PRKAR1A: variants seen among roughly 807,000 people sequenced by gnomAD.
PRKAR1A encodes the protein protein kinase cAMP-dependent type I regulatory subunit alpha, also known as cAMP-dependent protein kinase type I-alpha regulatory subunit.
In PRKAR1A, 3 loss-of-function variants were observed where a neutral mutation model predicts 52.0. The ratio of observed to expected loss-of-function variants is 0.06; its 90% CI spans 0.03 to 0.15. The LOEUF (loss-of-function observed/expected upper bound fraction) is 0.15. Among genes scored for constraint, PRKAR1A ranks in the 10% least tolerant of loss-of-function variants. The pLI is 1.00. For synonymous variants in PRKAR1A, 188 were observed against 168.4 expected (o/e 1.12, Z -0.90); for missense variants, 240 against 477.4 (o/e 0.50, Z 4.63).
At chr17:68,504,106 A>G in the PRKAR1A span, among the ~76,000 whole-genome samples, 1 of 152,228 alleles carries the variant, frequency 6.6e-6, no homozygotes, top group African/African-American at 2.4e-5. Context: ...TTACTGTAGC[A>G]TTATTCACAA....
chr17:68,438,836 G>A, the PRKAR1A span, among the ~76,000 whole-genome samples: 1 of 152,344 alleles, frequency 6.6e-6, no homozygotes, highest in East Asian at 1.9e-4. Context: ...GTGACCTCAG[G>A]TGATCCATCT....
chr17:68,536,369 G>A (rs768668351), downstream of PRKAR1A: 52 of 453,830 alleles, frequency 1.1e-4, no homozygotes, highest in Non-Finnish European at 1.1e-4. Context: ...TTGTGTTTTC[G>A]GTCATTAATT....
chr17:68,491,097 T>TC, the PRKAR1A span, among the ~76,000 whole-genome samples: 1,517 of 140,040 alleles, frequency 0.011, 12 homozygotes, highest in African/African-American at 0.021. Flanking sequence ...TTTCTTTCTT[T>TC]TTTTTTTTTT....
the PRKAR1A span, among the ~76,000 whole-genome samples, chr17:68,485,800 G>A: frequency 1.3e-5 from 2 of 152,066 alleles, no homozygotes; most frequent in African/African-American, 4.8e-5. Context: ...GTGCAGTGGC[G>A]TGATCTCAGC....
the PRKAR1A span, among the ~76,000 whole-genome samples, chr17:68,502,119 TCCAGAGAGC>T: frequency 6.6e-6 from 1 of 152,196 alleles, no homozygotes; most frequent in South Asian, 2.1e-4. Context: ...GGCTCCAGAC[TCCAGAGAGC>T]CCTTGCAGTC....
At chr17:68,454,882 A>T in the PRKAR1A span, among the ~76,000 whole-genome samples, 1 of 151,982 alleles carries the variant, frequency 6.6e-6, no homozygotes, top group East Asian at 1.9e-4. Context: ...ATATGAGAAA[A>T]TCACAGAGTG....
At chr17:68,453,619 C>T in the PRKAR1A span, among the ~76,000 whole-genome samples, 11 of 152,016 alleles carry the variant, frequency 7.2e-5, no homozygotes, top group East Asian at 3.9e-4. Flanking sequence ...GTGAGGATTA[C>T]AGGCATGCAC....
At chr17:68,539,923 C>T (rs150400613) in intron 11 of PRKAR1A, 1 of 1,614,186 alleles carries the variant, frequency 6.2e-7, no homozygotes, top group Non-Finnish European at 8.5e-7. Flanking sequence ...ACCCATCATC[C>T]CCGAACTTGG....
At chr17:68,434,546 G>T in the PRKAR1A span, 1 of 1,613,704 alleles carries the variant, frequency 6.2e-7, no homozygotes, top group South Asian at 1.1e-5. Flanking sequence ...GTTTGACATT[G>T]AACACAGACC....
intron 2 of PRKAR1A, among the ~76,000 whole-genome samples, chr17:68,519,400 A>G (rs1245987524): frequency 6.6e-6 from 1 of 152,216 alleles, no homozygotes; most frequent in African/African-American, 2.4e-5. Context: ...AGAAGGGTCA[A>G]GCAAAAGGGG....
At chr17:68,457,524 C>A in the PRKAR1A span, 2 of 541,342 alleles carry the variant, frequency 3.7e-6, no homozygotes, top group Non-Finnish European at 2.3e-6. Flanking sequence ...CTGCCCCGCC[C>A]CTACCCCGCC....
intron 2 of PRKAR1A, among the ~76,000 whole-genome samples, chr17:68,516,325 GA>G (rs2085432432): frequency 6.6e-6 from 1 of 152,194 alleles, no homozygotes; most frequent in South Asian, 2.1e-4. Context: ...AAGAAACGAT[GA>G]ATGAAAAAGT....
upstream of PRKAR1A, among the ~76,000 whole-genome samples, chr17:68,509,444 A>G (rs58821813): frequency 0.011 from 1,625 of 152,282 alleles, 32 homozygotes; most frequent in African/African-American, 0.037. Context: ...GGGATTACAG[A>G]TGTTAGCCAC....
At chr17:68,486,495 TTCC>T in the PRKAR1A span, among the ~76,000 whole-genome samples, 523 of 47,414 alleles carry the variant, frequency 0.011, 4 homozygotes, top group East Asian at 0.031. Flanking sequence ...CCTTCCTTCC[TTCC>T]TTCCTTCCTT....
the PRKAR1A span, among the ~76,000 whole-genome samples, chr17:68,506,698 G>T: frequency 2.0e-5 from 3 of 152,038 alleles, no homozygotes; most frequent in Admixed American, 6.5e-5. Context: ...TGGCCAGGCT[G>T]GTCTCAAACT....
At chr17:68,430,373 A>G in the PRKAR1A span, among the ~76,000 whole-genome samples, 1 of 152,220 alleles carries the variant, frequency 6.6e-6, no homozygotes, top group Non-Finnish European at 1.5e-5. Context: ...CAGAAGAGCC[A>G]TTGTAAAGCT....
chr17:68,522,983 C>T (rs2085665396), intron 3 of PRKAR1A, 57 bp downstream of exon 3: 6 of 1,593,064 alleles, frequency 3.8e-6, no homozygotes, highest in Non-Finnish European at 5.1e-6. Flanking sequence ...TGGTGGTCAT[C>T]TAGTCTCCTT....
At chr17:68,547,221 T>G (rs1015483230) in intron 11 of PRKAR1A, among the ~76,000 whole-genome samples, 3 of 152,212 alleles carry the variant, frequency 2.0e-5, no homozygotes, top group African/African-American at 7.2e-5. Flanking sequence ...CCCAGCGACA[T>G]TATCACCTAA....
chr17:68,517,609 T>G, intron 2 of PRKAR1A, among the ~76,000 whole-genome samples: 1 of 152,210 alleles, frequency 6.6e-6, no homozygotes, highest in Non-Finnish European at 1.5e-5. Flanking sequence ...CTGCCATGAT[T>G]AAGTTACCTC....
Sources: gnomAD v4.1 joint callset for allele counts (sites outside exome capture counted in the v4.1 genomes callset) on GRCh38, gnomAD v4.1.1 for gene constraint, MANE v1.5 for transcripts, NCBI Gene and HGNC (gene_info 2026-07-23, HGNC 2026-07-21) for gene names.